Variants in UGGT2 observed in about 807,000 individuals in gnomAD.
The protein encoded by UGGT2 is UDP-glucose glycoprotein glucosyltransferase 2, also known as UDP-glucose:glycoprotein glucosyltransferase 2.
Under a neutral mutation model 192.1 loss-of-function variants are expected in UGGT2, and 180 were observed. The observed-to-expected ratio is 0.94, with a 90% CI of 0.83 to 1.06. The LOEUF (loss-of-function observed/expected upper bound fraction) is 1.06. UGGT2 is among the 50% of genes least tolerant of loss of function. The pLI is 0.00. For synonymous variants in UGGT2, 580 were observed against 591.0 expected (o/e 0.98, Z 0.27); for missense variants, 1,849 against 1,795.7 (o/e 1.03, Z -0.54).
At chr13:95,938,457 A>G (rs922997190) in intron 16 of UGGT2, among the ~76,000 whole-genome samples, 7 of 152,228 alleles carry the variant, frequency 4.6e-5, no homozygotes, top group African/African-American at 1.7e-4. Context: ...TTTACAGATG[A>G]TAAAACAGAT....
chr13:96,022,098 T>C, intron 4 of UGGT2, among the ~76,000 whole-genome samples: 1 of 152,032 alleles, frequency 6.6e-6, no homozygotes, highest in African/African-American at 2.4e-5. Flanking sequence ...TAAAACAGTA[T>C]GGCACTACTA....
intron 2 of UGGT2, among the ~76,000 whole-genome samples, chr13:96,029,355 C>T (rs1160577093): frequency 6.6e-6 from 1 of 150,614 alleles, no homozygotes; most frequent in African/African-American, 2.4e-5. Context: ...GGTGTGATCT[C>T]GGCTCACTGC....
chr13:96,053,338 C>A lies in UGGT2; in HGVS notation c.-26G>T. 2 of 1,575,516 alleles carry A rather than the reference C, an allele frequency of 1.3e-6. No homozygotes were observed. The highest frequency in any genetic ancestry group is 2.4e-5 in the East Asian group (1 of 42,458). ...GGCACGGAGAGAAAAGCGCGAGTCC[C>A]TCGGACCCGGTACCCACAGTCTGTG... On this transcript the variant is annotated 5_prime_UTR_variant, in exon 1 of 39. In the 5' UTR this introduces an upstream ATG that the reference lacks. Coordinates refer to ENST00000376747, the MANE Select transcript of UGGT2 (RefSeq NM_020121.4).
intron 2 of UGGT2, among the ~76,000 whole-genome samples, chr13:96,030,135 C>T (rs2052789437): frequency 6.6e-6 from 1 of 152,168 alleles, no homozygotes; most frequent in Non-Finnish European, 1.5e-5. Context: ...GTCTCTTCTA[C>T]TCATTTGTGT....
At chr13:96,009,089 G>A (rs1054080578) in intron 5 of UGGT2, among the ~76,000 whole-genome samples, 2 of 152,076 alleles carry the variant, frequency 1.3e-5, no homozygotes, top group African/African-American at 4.8e-5. Context: ...CAAGCAATGG[G>A]GAAAGAACTC....
intron 37 of UGGT2, among the ~76,000 whole-genome samples, chr13:95,836,083 C>T (rs1251716897): frequency 6.6e-6 from 1 of 151,990 alleles, no homozygotes; most frequent in Non-Finnish European, 1.5e-5. Context: ...GAGTTTTGCT[C>T]TTGTCTCCAG....
chr13:96,019,726 T>C (rs2052458552), intron 4 of UGGT2, among the ~76,000 whole-genome samples: 1 of 152,188 alleles, frequency 6.6e-6, no homozygotes, highest in Non-Finnish European at 1.5e-5. Context: ...ACCAGACAGG[T>C]AGGCCATTGG....
At chr13:95,933,748 C>G (rs2049367457) in intron 17 of UGGT2, among the ~76,000 whole-genome samples, 2 of 152,116 alleles carry the variant, frequency 1.3e-5, no homozygotes, top group Non-Finnish European at 2.9e-5. Context: ...GTGGCTGTAT[C>G]TCGGCTCACT....
At chr13:95,862,921 G>T (rs192420133) in intron 31 of UGGT2, among the ~76,000 whole-genome samples, 2 of 152,218 alleles carry the variant, frequency 1.3e-5, no homozygotes, top group Non-Finnish European at 2.9e-5. Context: ...GGAGTGCAGC[G>T]TTGCAATCTT....
At chr13:95,994,821 A>AGCCTTGTAG (rs2051568416) in intron 7 of UGGT2, among the ~76,000 whole-genome samples, 1 of 152,094 alleles carries the variant, frequency 6.6e-6, no homozygotes, top group African/African-American at 2.4e-5. Flanking sequence ...TAAATATTTA[A>AGCCTTGTAG]CAATTTATTT....
intron 34 of UGGT2, 138 bp downstream of exon 34, chr13:95,856,020 T>C: frequency 1.5e-6 from 1 of 655,998 alleles, no homozygotes; most frequent in Non-Finnish European, 2.3e-6. Flanking sequence ...TTAAAGATAC[T>C]TTGCTTATAT....
intron 38 of UGGT2, chr13:95,809,338 A>T: frequency 2.1e-6 from 1 of 469,846 alleles, no homozygotes. Flanking sequence ...CTCTAGCTTC[A>T]TTGGAGGCTG....
intron 5 of UGGT2, among the ~76,000 whole-genome samples, chr13:96,012,283 A>T (rs1324171328): frequency 6.6e-6 from 1 of 152,088 alleles, no homozygotes; most frequent in African/African-American, 2.4e-5. Flanking sequence ...ATATTCAAAT[A>T]AATTCCAGAT....
chr13:95,942,335 G>A (rs1478104935), intron 15 of UGGT2, among the ~76,000 whole-genome samples: 1 of 151,744 alleles, frequency 6.6e-6, no homozygotes, highest in Non-Finnish European at 1.5e-5. Flanking sequence ...TTGTTTTTCA[G>A]TGTGGCTCTG....
chr13:95,989,742 C>T, intron 8 of UGGT2: 1 of 322,920 alleles, frequency 3.1e-6, no homozygotes. Context: ...TTTGAAATAA[C>T]ATTGAATAAC....
chr13:95,863,816 A>T, intron 30 of UGGT2, 102 bp from the exon 31 acceptor site: 1 of 908,088 alleles, frequency 1.1e-6, no homozygotes, highest in South Asian at 1.4e-5. Context: ...ATAGAAATCT[A>T]AGATTGACAG....
chr13:95,818,407 T>C (rs754133510), intron 38 of UGGT2, among the ~76,000 whole-genome samples: 3 of 152,112 alleles, frequency 2.0e-5, no homozygotes, highest in Non-Finnish European at 2.9e-5. Flanking sequence ...TTGTTAATAA[T>C]ATATAACAAC....
At chr13:96,032,096 A>G in intron 1 of UGGT2, 125 bp from the exon 2 acceptor site, 1 of 577,848 alleles carries the variant, frequency 1.7e-6, no homozygotes, top group Non-Finnish European at 3.0e-6. Context: ...ATTAATGTCA[A>G]ATTACTAATT....
intron 12 of UGGT2, among the ~76,000 whole-genome samples, chr13:95,951,139 CAG>C (rs1374035157): frequency 6.6e-6 from 1 of 151,982 alleles, no homozygotes; most frequent in African/African-American, 2.4e-5. Context: ...ATGAATAAAA[CAG>C]AGGAATTTAG....
Sources: gnomAD v4.1 joint callset for allele counts (sites outside exome capture counted in the v4.1 genomes callset) on GRCh38, gnomAD v4.1.1 for gene constraint, MANE v1.5 for transcripts, NCBI Gene and HGNC (gene_info 2026-07-23, HGNC 2026-07-21) for gene names.